The following GALNT13 variants were observed in gnomAD, a reference collection of about 807,000 sequenced individuals.
GALNT13 encodes the protein UDP-GalNAc:polypeptide N-acetylgalactosaminyltransferase 13.
GALNT13 carries 28 observed loss-of-function variants against 64.2 expected under a neutral mutation model. The ratio of observed to expected loss-of-function variants is 0.44; its 90% CI spans 0.32 to 0.60. The LOEUF is 0.60. Among genes scored for constraint, GALNT13 ranks in the 20% least tolerant of loss-of-function variants. GALNT13 has a pLI of 0.05. For missense variants in GALNT13, 577 were observed against 669.8 expected (o/e 0.86, Z 1.53); for synonymous variants, 214 against 224.6 (o/e 0.95, Z 0.42).
intron 4 of GALNT13, among the ~76,000 whole-genome samples, chr2:154,162,956 TTTTTA>T (rs1684818865): frequency 6.6e-6 from 1 of 150,726 alleles, no homozygotes; most frequent in South Asian, 2.1e-4. Context: ...ACATTCTTTT[TTTTTA>T]TTTTATTTTT....
the GALNT13 span, among the ~76,000 whole-genome samples, chr2:153,798,209 C>T: frequency 6.6e-6 from 1 of 152,156 alleles, no homozygotes; most frequent in African/African-American, 2.4e-5. Context: ...GCTTATTCTC[C>T]TACTACCCTT....
the GALNT13 span, among the ~76,000 whole-genome samples, chr2:153,564,470 C>T: frequency 1.3e-4 from 19 of 151,970 alleles, no homozygotes; most frequent in South Asian, 2.1e-3. Context: ...TCTTGAGAAC[C>T]GCATTGTTTT....
the GALNT13 span, among the ~76,000 whole-genome samples, chr2:153,452,175 T>C: frequency 4.6e-5 from 7 of 152,238 alleles, no homozygotes; most frequent in African/African-American, 1.4e-4. Context: ...TTCCAACTGA[T>C]GCTGTGGCCC....
chr2:153,977,699 G>T (rs969200012), intron 3 of GALNT13, among the ~76,000 whole-genome samples: 2 of 152,084 alleles, frequency 1.3e-5, no homozygotes, highest in East Asian at 1.9e-4. Context: ...GAGCATTTTA[G>T]AGAAATGCAA....
the GALNT13 span, among the ~76,000 whole-genome samples, chr2:153,607,918 T>A: frequency 3.3e-5 from 5 of 152,170 alleles, no homozygotes; most frequent in African/African-American, 1.2e-4. Flanking sequence ...TTAGCTAGAT[T>A]CCCTAAAGTT....
At chr2:153,920,497 G>T (rs994327544) in intron 2 of GALNT13, among the ~76,000 whole-genome samples, 2 of 151,986 alleles carry the variant, frequency 1.3e-5, no homozygotes, top group South Asian at 2.1e-4. Flanking sequence ...ATGGATGAAA[G>T]ACTTTAATAT....
chr2:154,406,098 C>G (rs1231246889), intron 10 of GALNT13, among the ~76,000 whole-genome samples: 1 of 152,110 alleles, frequency 6.6e-6, no homozygotes, highest in African/African-American at 2.4e-5. Context: ...GACTATTGTT[C>G]CTGGTAAATA....
At chr2:153,669,243 G>GCCA in the GALNT13 span, among the ~76,000 whole-genome samples, 2 of 152,036 alleles carry the variant, frequency 1.3e-5, no homozygotes, top group African/African-American at 4.8e-5. Context: ...CTCATCCATG[G>GCCA]CCACCACCCC....
chr2:153,435,446 T>G, the GALNT13 span, among the ~76,000 whole-genome samples: 1 of 152,132 alleles, frequency 6.6e-6, no homozygotes, highest in Non-Finnish European at 1.5e-5. Context: ...CAATATTGAT[T>G]CTTCCTACCC....
the GALNT13 span, among the ~76,000 whole-genome samples, chr2:153,324,393 G>A: frequency 6.6e-6 from 1 of 152,220 alleles, no homozygotes; most frequent in South Asian, 2.1e-4. Flanking sequence ...GGAGATTTCG[G>A]GCTGAGACAA....
the GALNT13 span, among the ~76,000 whole-genome samples, chr2:153,573,693 T>A: frequency 6.6e-6 from 1 of 152,058 alleles, no homozygotes; most frequent in Non-Finnish European, 1.5e-5. Context: ...ACACTATTTG[T>A]ATGAACAAAC....
the GALNT13 span, among the ~76,000 whole-genome samples, chr2:153,273,168 A>G: frequency 6.6e-6 from 1 of 152,176 alleles, no homozygotes; most frequent in Admixed American, 6.5e-5. Context: ...TAGTAGAAAT[A>G]CCTAATGTAG....
At chr2:154,211,651 A>AAAAAAG (rs1687777905) in intron 4 of GALNT13, among the ~76,000 whole-genome samples, 6 of 147,800 alleles carry the variant, frequency 4.1e-5, no homozygotes, top group African/African-American at 1.5e-4. Context: ...AAAAAAAAAA[A>AAAAAAG]AAAAGAAAAG....
intron 3 of GALNT13, among the ~76,000 whole-genome samples, chr2:154,041,675 A>G (rs1211238590): frequency 7.1e-6 from 1 of 140,916 alleles, no homozygotes; most frequent in Non-Finnish European, 1.6e-5. Context: ...AAGAATTTAT[A>G]TAGATACCAT....
intron 3 of GALNT13, among the ~76,000 whole-genome samples, chr2:154,070,863 C>T (rs778417592): frequency 1.4e-4 from 21 of 150,724 alleles, no homozygotes; most frequent in South Asian, 4.2e-4. Flanking sequence ...TGCAGTGAGC[C>T]GAGATTGCAC....
intron 8 of GALNT13, among the ~76,000 whole-genome samples, chr2:154,261,844 T>C (rs1409169142): frequency 6.6e-6 from 1 of 151,936 alleles, no homozygotes; most frequent in Non-Finnish European, 1.5e-5. Context: ...ATTATAATAA[T>C]AGTGAAGTTA....
intron 3 of GALNT13, among the ~76,000 whole-genome samples, chr2:153,957,588 C>T (rs1337018090): frequency 5.3e-5 from 8 of 152,120 alleles, no homozygotes; most frequent in Admixed American, 5.2e-4. Flanking sequence ...TGCCAAGGGC[C>T]CTCTTGCTTA....
intron 9 of GALNT13, among the ~76,000 whole-genome samples, chr2:154,358,807 T>C (rs1285304246): frequency 1.3e-5 from 2 of 152,142 alleles, no homozygotes. Flanking sequence ...TCTAGCTCTT[T>C]ATGAGAAGCT....
the GALNT13 span, among the ~76,000 whole-genome samples, chr2:153,638,255 C>T: frequency 6.6e-6 from 1 of 152,036 alleles, no homozygotes; most frequent in Non-Finnish European, 1.5e-5. Context: ...TCCAGGAAGG[C>T]AAATCACTGG....
Sources: allele counts gnomAD v4.1 joint callset (sites outside exome capture counted in the v4.1 genomes callset), GRCh38; gene constraint gnomAD v4.1.1; transcripts MANE v1.5; gene names NCBI Gene and HGNC (gene_info 2026-07-23, HGNC 2026-07-21).